The following TPP2 variants were observed in gnomAD, a reference collection of about 807,000 sequenced individuals.
TPP2 encodes the protein tripeptidyl peptidase 2.
Under a neutral mutation model 155.9 loss-of-function variants are expected in TPP2, and 34 were observed. The ratio of observed to expected loss-of-function variants is 0.22; its 90% CI spans 0.17 to 0.29. The LOEUF is 0.29. Among genes scored for constraint, TPP2 ranks in the 10% least tolerant of loss-of-function variants. The pLI, the probability that TPP2 is intolerant of heterozygous loss-of-function variation, is 1.00. For missense variants in TPP2, 1,028 were observed against 1,522.3 expected, an observed-to-expected ratio of 0.68 and a Z score of 5.40; for synonymous variants, 510 against 529.4, an observed-to-expected ratio of 0.96 and a Z score of 0.50.
At chr13:102,627,964 G>A (rs1881758199) in intron 8 of TPP2, 40 bp downstream of exon 8, 1 of 1,510,410 alleles carries the variant, frequency 6.6e-7, no homozygotes, top group Non-Finnish European at 9.1e-7. Flanking sequence ...TAGAACCTTA[G>A]CCAGTGAAGA....
intron 8 of TPP2, among the ~76,000 whole-genome samples, chr13:102,628,129 T>G (rs1274114488): frequency 2.6e-5 from 4 of 152,148 alleles, no homozygotes; most frequent in African/African-American, 9.7e-5. Context: ...TTCACATCTG[T>G]GACGATGTTA....
intron 3 of TPP2, among the ~76,000 whole-genome samples, 155 bp downstream of exon 3, chr13:102,614,351 T>G (rs1880555783): frequency 6.6e-6 from 1 of 152,224 alleles, no homozygotes; most frequent in African/African-American, 2.4e-5. Context: ...TGCTTAAAGA[T>G]TCTGCTCAAT....
In TPP2 at chr13:102,649,428, C is replaced by T; in HGVS notation, c.2894C>T (p.Pro965Leu). ...PDDKIPKGAG[P>L]GCYLAGSLTL... ...TTTAGAATACCTAAAGGGGCAGGAC[C>T]TGGATGCTATCTTGCAGGATCCTTA... Residue 965 changes from proline to leucine, a missense_variant, in exon 23 of 30, where the codon CCT becomes CTT. By Grantham distance (98) the Pro-to-Leu change is moderately conservative. Transcript: ENST00000376052. 1.2e-6 allele frequency: 2 copies of T among 1,612,900 alleles called. No individual in the cohort carries two copies. Among genetic ancestry groups the T allele is most frequent in the Non-Finnish European group, 1.7e-6 (2 of 1,179,500 alleles).
Position 102,637,099 on chromosome 13 carries a change from T to A in TPP2, c.1696T>A (p.Ser566Thr). 2 of 1,588,196 alleles carry A rather than the reference T, an allele frequency of 1.3e-6. No homozygotes were observed. The highest frequency in any genetic ancestry group is 1.7e-6 in the Non-Finnish European group (2 of 1,173,476). ...CGTGCCAGAAAACTCTGAAAAAATA[T>A]CCCTTCAGCTTCATTTAGCTCTGAC... ...PENTENSEKI[S>T]LQLHLALTSN... The change falls in exon 14 of 30, where the codon TCC becomes ACC. Residue 566 changes from serine to threonine, a missense_variant. Transcript: ENST00000376052.
chr13:102,630,061 G>A (rs753291202), intron 9 of TPP2, 35 bp from the exon 10 acceptor site: 2 of 1,585,260 alleles, frequency 1.3e-6, no homozygotes, highest in Admixed American at 3.4e-5. Context: ...ATCCCCGTTT[G>A]TTTTCTTTTC....
At chr13:102,600,389 G>A (rs1418424295) in intron 1 of TPP2, among the ~76,000 whole-genome samples, 1 of 151,928 alleles carries the variant, frequency 6.6e-6, no homozygotes, top group East Asian at 1.9e-4. Context: ...AATTCTGCGC[G>A]CCCCCTCCCC....
In TPP2 at chr13:102,676,892, A is replaced by C. The variant is rs187875093; in HGVS notation, c.3699+477A>C. 1.2e-4 allele frequency among the ~76,000 whole-genome samples: 19 copies of C among 152,338 alleles called. No homozygotes were observed. In the East Asian group the frequency reaches 2.5e-3, roughly 20 times the overall value. ...AGGTTTCTGCACAAGTTAGTTGTCA[A>C]GTAAAAAAATTTAGCTGATTTCTAC... is the stretch of plus-strand genomic sequence containing the variant. On this transcript the variant is annotated intron_variant, in intron 29 of 29. Coordinates refer to ENST00000376052, the MANE Select transcript of TPP2 (RefSeq NM_001330588.2).
At chr13:102,673,322 C>T (rs562398182) in intron 27 of TPP2, among the ~76,000 whole-genome samples, 2 of 152,308 alleles carry the variant, frequency 1.3e-5, no homozygotes, top group East Asian at 3.9e-4. Context: ...CACTCTGAGT[C>T]TTTCAGAGTC....
intron 27 of TPP2, among the ~76,000 whole-genome samples, chr13:102,674,077 A>G (rs560984528): frequency 6.6e-6 from 1 of 152,308 alleles, no homozygotes; most frequent in Non-Finnish European, 1.5e-5. Context: ...AACTCATTTA[A>G]TCTATATGTG....
At chr13:102,612,834 G>A (rs572690162) in intron 2 of TPP2, among the ~76,000 whole-genome samples, 23 of 152,066 alleles carry the variant, frequency 1.5e-4, no homozygotes, top group Admixed American at 9.2e-4. Flanking sequence ...ATAACTTAAC[G>A]ACTTTCTATT....
chr13:102,678,201 T>C (rs1885411813), intron 29 of TPP2, 26 bp from the exon 30 acceptor site: 2 of 1,581,410 alleles, frequency 1.3e-6, no homozygotes, highest in South Asian at 2.3e-5. Context: ...TCCTTTATAA[T>C]AATATATTAT....
intron 27 of TPP2, among the ~76,000 whole-genome samples, chr13:102,673,190 G>T (rs1885085194): frequency 6.6e-6 from 1 of 152,152 alleles, no homozygotes; most frequent in African/African-American, 2.4e-5. Flanking sequence ...AGGACTCCTT[G>T]GTGCGCAGGA....
At chr13:102,611,916 T>A (rs1210810650) in intron 2 of TPP2, among the ~76,000 whole-genome samples, 1 of 152,200 alleles carries the variant, frequency 6.6e-6, no homozygotes, top group Non-Finnish European at 1.5e-5. Flanking sequence ...TCTTTTCACT[T>A]GGCACCCTTC....
At chr13:102,620,108 C>G (rs559146482) in intron 5 of TPP2, among the ~76,000 whole-genome samples, 57 of 152,300 alleles carry the variant, frequency 3.7e-4, no homozygotes, top group African/African-American at 1.3e-3. Context: ...GCTCTAGGTT[C>G]TGAAAACACT....
At chr13:102,645,752 C>G (rs908444227) in intron 19 of TPP2, among the ~76,000 whole-genome samples, 1 of 152,194 alleles carries the variant, frequency 6.6e-6, no homozygotes, top group African/African-American at 2.4e-5. Context: ...ATATTTAAAA[C>G]TTACTCTTCA....
chr13:102,640,673 A>G (rs1882701993), intron 16 of TPP2, among the ~76,000 whole-genome samples: 1 of 93,124 alleles, frequency 1.1e-5, no homozygotes, highest in Non-Finnish European at 2.0e-5. Context: ...TTTTTTTGAG[A>G]CAGAGTCTCA....
intron 1 of TPP2, among the ~76,000 whole-genome samples, chr13:102,603,611 C>T (rs1426939952): frequency 6.6e-6 from 1 of 152,082 alleles, no homozygotes; most frequent in Non-Finnish European, 1.5e-5. Flanking sequence ...TCCTGAGTAA[C>T]GGGGTGGCAG....
At position 102,616,506 on chromosome 13, in the gene TPP2, T is replaced by G; in HGVS notation, c.495+6T>G. On this transcript the variant is annotated splice_donor_region_variant and intron_variant, in intron 4 of 29. Transcript: ENST00000376052. ...CCAACAACGGCTCTTCTCAAGTTGG[T>G]GCTAGTCGATTTCATTTAAACATTA... The G allele has an allele frequency of 6.2e-7, 1 of 1,604,338 alleles. No individual in the cohort carries two copies.
intron 10 of TPP2, among the ~76,000 whole-genome samples, chr13:102,631,935 A>G (rs1882044784): frequency 6.6e-6 from 1 of 152,220 alleles, no homozygotes; most frequent in African/African-American, 2.4e-5. Flanking sequence ...CACGTGTGGC[A>G]TATTTCTTAA....
Sources: gnomAD v4.1 joint callset for allele counts (sites outside exome capture counted in the v4.1 genomes callset) on GRCh38, gnomAD v4.1.1 for gene constraint, MANE v1.5 for transcripts, NCBI Gene and HGNC (gene_info 2026-07-23, HGNC 2026-07-21) for gene names.